Variants in LAMA2 observed in about 807,000 individuals in gnomAD.
The protein encoded by LAMA2 is laminin subunit alpha 2.
Under a neutral mutation model 364.8 loss-of-function variants are expected in LAMA2, and 269 were observed. The observed-to-expected ratio is 0.74, with a 90% CI of 0.67 to 0.82. The LOEUF is 0.82. Among genes scored for constraint, LAMA2 ranks in the 40% least tolerant of loss-of-function variants. The pLI, the probability that LAMA2 is intolerant of heterozygous loss-of-function variation, is 0.00. For synonymous variants in LAMA2, 1,379 were observed against 1,370.6 expected (o/e 1.01, Z -0.14); for missense variants, 3,807 against 3,873.2 (o/e 0.98, Z 0.45).
At chr6:129,407,193 C>G (rs1780290134) in intron 40 of LAMA2, among the ~76,000 whole-genome samples, 4 of 152,152 alleles carry the variant, frequency 2.6e-5, no homozygotes, top group African/African-American at 9.7e-5. Context: ...CCTTTGGCAA[C>G]ACCCTCACAG....
At chr6:129,200,400 A>ATGTACACATATACATATACGTGTATACG (rs1782191621) in intron 12 of LAMA2, among the ~76,000 whole-genome samples, 1 of 147,294 alleles carries the variant, frequency 6.8e-6, no homozygotes, top group African/African-American at 2.5e-5. Flanking sequence ...GTGTATATAC[A>ATGTACACATATACATATACGTGTATACG]TGTACACATA....
chr6:129,506,017 T>G (rs1786040622), intron 61 of LAMA2, among the ~76,000 whole-genome samples: 1 of 152,130 alleles, frequency 6.6e-6, no homozygotes, highest in Non-Finnish European at 1.5e-5. Flanking sequence ...ATGATAATAC[T>G]AAACAAAAAG....
At chr6:129,186,178 T>C (rs902006181) in intron 10 of LAMA2, among the ~76,000 whole-genome samples, 4 of 151,680 alleles carry the variant, frequency 2.6e-5, no homozygotes, top group Admixed American at 2.0e-4. Context: ...TAAATTATGT[T>C]TTTGCAACCA....
At chr6:129,496,661 TAAAGGTTAC>T (rs1246043673) in intron 58 of LAMA2, among the ~76,000 whole-genome samples, 5 of 152,226 alleles carry the variant, frequency 3.3e-5, no homozygotes, top group Admixed American at 1.3e-4. Flanking sequence ...GTCTTCTTTT[TAAAGGTTAC>T]TAAAAGTTAA....
chr6:129,126,405 C>T (rs1480169691), intron 4 of LAMA2, among the ~76,000 whole-genome samples: 1 of 152,134 alleles, frequency 6.6e-6, no homozygotes, highest in Non-Finnish European at 1.5e-5. Context: ...AGATGTTTGG[C>T]ATCACGTAAG....
At chr6:129,099,742 A>G (rs906558027) in intron 4 of LAMA2, among the ~76,000 whole-genome samples, 1 of 152,246 alleles carries the variant, frequency 6.6e-6, no homozygotes, top group African/African-American at 2.4e-5. Context: ...ATATTAATGT[A>G]TACCAGTGCT....
At chr6:129,443,203 G>A in intron 44 of LAMA2, 135 bp downstream of exon 44, 1 of 596,518 alleles carries the variant, frequency 1.7e-6, no homozygotes, top group Non-Finnish European at 3.0e-6. Context: ...CACTGTTACA[G>A]TATTAATGGT....
At chr6:128,978,530 C>G (rs573073762) in intron 1 of LAMA2, among the ~76,000 whole-genome samples, 1 of 151,994 alleles carries the variant, frequency 6.6e-6, no homozygotes, top group Non-Finnish European at 1.5e-5. Flanking sequence ...GTTGGCCAGA[C>G]TGGTCTTGAA....
chr6:129,208,140 C>T (rs1479830909), intron 12 of LAMA2, among the ~76,000 whole-genome samples: 1 of 152,168 alleles, frequency 6.6e-6, no homozygotes, highest in Non-Finnish European at 1.5e-5. Flanking sequence ...ATTTTTCTTA[C>T]TCCCAGCATT....
intron 1 of LAMA2, among the ~76,000 whole-genome samples, chr6:128,939,818 C>A (rs1320381401): frequency 6.6e-6 from 1 of 152,148 alleles, no homozygotes; most frequent in Admixed American, 6.5e-5. Context: ...AAACAAGAAT[C>A]TCTCCTAGGC....
At chr6:128,990,697 C>T (rs1352287514) in intron 1 of LAMA2, among the ~76,000 whole-genome samples, 1 of 151,872 alleles carries the variant, frequency 6.6e-6, no homozygotes, top group Non-Finnish European at 1.5e-5. Flanking sequence ...ATTTATCTTG[C>T]CTTAATTAGG....
chr6:129,406,212 C>T (rs567696980), intron 40 of LAMA2, among the ~76,000 whole-genome samples: 4 of 152,078 alleles, frequency 2.6e-5, no homozygotes, highest in Admixed American at 6.6e-5. Context: ...TATAAACACA[C>T]ATAGACAATC....
Position 129,089,578 on chromosome 6 carries a change from G to A in LAMA2, c.397-8595G>A, listed in dbSNP as rs201441302. Among the ~76,000 whole-genome samples, 8 of 152,336 alleles carry A rather than the reference G, an allele frequency of 5.3e-5. No individual in the cohort carries two copies. In the East Asian group the frequency reaches 1.3e-3, roughly 26 times the overall value. On this transcript the variant is annotated intron_variant, in intron 3 of 64. Transcript: ENST00000421865. ...CTACCTGCTCTTTTACCAGTAGCTGGTGGGAAAGCCATGCTGTGCCAATGA... is the reference window on the plus strand; with the variant it reads ...CTACCTGCTCTTTTACCAGTAGCTGATGGGAAAGCCATGCTGTGCCAATGA...
At chr6:128,886,967 C>G (rs1269985942) in intron 1 of LAMA2, among the ~76,000 whole-genome samples, 1 of 152,130 alleles carries the variant, frequency 6.6e-6, no homozygotes, top group African/African-American at 2.4e-5. Context: ...TTCTAAGATT[C>G]TAATATTATA....
At chr6:129,171,476 T>C (rs1239775793) in intron 9 of LAMA2, among the ~76,000 whole-genome samples, 1 of 152,156 alleles carries the variant, frequency 6.6e-6, no homozygotes, top group East Asian at 1.9e-4. Context: ...TGAAAATTCT[T>C]TTCTTTAAGA....
At chr6:128,933,304 A>G (rs1322386563) in intron 1 of LAMA2, among the ~76,000 whole-genome samples, 1 of 151,010 alleles carries the variant, frequency 6.6e-6, no homozygotes. Context: ...TATTTACTTT[A>G]TCCATTCATT....
intron 64 of LAMA2, among the ~76,000 whole-genome samples, chr6:129,515,931 A>G (rs1787027686): frequency 6.6e-6 from 1 of 152,028 alleles, no homozygotes; most frequent in Non-Finnish European, 1.5e-5. Context: ...GCTTGAGCCC[A>G]GGAGGTTGAG....
chr6:129,397,997 G>C (rs983012823), intron 37 of LAMA2, among the ~76,000 whole-genome samples: 1 of 150,594 alleles, frequency 6.6e-6, no homozygotes, highest in East Asian at 1.9e-4. Flanking sequence ...TTCTGATTGA[G>C]TATGCTAAGA....
At chr6:129,327,551 A>G (rs1775373627) in intron 28 of LAMA2, among the ~76,000 whole-genome samples, 1 of 152,198 alleles carries the variant, frequency 6.6e-6, no homozygotes, top group Non-Finnish European at 1.5e-5. Context: ...CTGAAACACA[A>G]GACGGTTTTC....
Sources: allele counts gnomAD v4.1 joint callset (sites outside exome capture counted in the v4.1 genomes callset), GRCh38; gene constraint gnomAD v4.1.1; transcripts MANE v1.5; gene names NCBI Gene and HGNC (gene_info 2026-07-23, HGNC 2026-07-21).